FHIT: variants seen among roughly 807,000 people sequenced by gnomAD.
The protein encoded by FHIT is fragile histidine triad diadenosine triphosphatase, also known as bis(5'-adenosyl)-triphosphatase.
Under a neutral mutation model 17.9 loss-of-function variants are expected in FHIT, and 19 were observed. That is an observed-to-expected ratio of 1.06 (90% CI 0.74 to 1.56). The LOEUF (loss-of-function observed/expected upper bound fraction) is 1.56. Ranked by LOEUF, FHIT falls within the 40% of genes most tolerant of loss-of-function variation. The probability of loss-of-function intolerance (pLI) is 0.00; values close to 1 mark genes in which losing one functional copy is unlikely to be tolerated. For missense variants in FHIT, 248 were observed against 189.2 expected, an observed-to-expected ratio of 1.31 and a Z score of -1.82; for synonymous variants, 81 against 69.7, an observed-to-expected ratio of 1.16 and a Z score of -0.81.
At chr3:60,918,632 A>T (rs1041863974) in intron 3 of FHIT, among the ~76,000 whole-genome samples, 3 of 152,186 alleles carry the variant, frequency 2.0e-5, no homozygotes, top group Non-Finnish European at 4.4e-5. Context: ...GGAAACCAGG[A>T]GGAAGAAGGC....
intron 9 of FHIT, chr3:59,751,592 T>G (rs934780663): frequency 3.3e-5 from 6 of 183,416 alleles, no homozygotes; most frequent in African/African-American, 1.4e-4. Context: ...GCTATCTTTC[T>G]ACCAGAGTCT....
chr3:60,143,727 T>C (rs1051542465), intron 5 of FHIT, among the ~76,000 whole-genome samples: 1 of 142,154 alleles, frequency 7.0e-6, no homozygotes. Context: ...ATAACCTATC[T>C]TCATAACTTT....
chr3:60,861,401 G>A (rs1174840297), intron 3 of FHIT, among the ~76,000 whole-genome samples: 1 of 150,158 alleles, frequency 6.7e-6, no homozygotes, highest in South Asian at 2.1e-4. Context: ...TTGTTATGGA[G>A]GGCTGTCCTA....
At chr3:60,579,318 T>C (rs1553658882) in intron 4 of FHIT, among the ~76,000 whole-genome samples, 1 of 152,188 alleles carries the variant, frequency 6.6e-6, no homozygotes, top group Non-Finnish European at 1.5e-5. Flanking sequence ...TAGATAACTG[T>C]AACACAAGTA....
intron 7 of FHIT, among the ~76,000 whole-genome samples, chr3:59,984,497 G>A (rs906373143): frequency 1.3e-5 from 2 of 152,010 alleles, no homozygotes; most frequent in African/African-American, 4.8e-5. Context: ...CACTGGTATT[G>A]GCTAAACATT....
chr3:61,054,473 A>G (rs2106667012), intron 2 of FHIT, among the ~76,000 whole-genome samples: 1 of 152,338 alleles, frequency 6.6e-6, no homozygotes, highest in South Asian at 2.1e-4. Context: ...TGTTAATAGT[A>G]GCATCAGCTA....
intron 3 of FHIT, among the ~76,000 whole-genome samples, chr3:60,983,953 T>C (rs1183746352): frequency 6.6e-6 from 1 of 152,068 alleles, no homozygotes; most frequent in Non-Finnish European, 1.5e-5. Flanking sequence ...ACACCTGAAA[T>C]GATAAAGACA....
At chr3:61,141,875 T>C (rs2037091886) in intron 2 of FHIT, among the ~76,000 whole-genome samples, 1 of 151,552 alleles carries the variant, frequency 6.6e-6, no homozygotes, top group Non-Finnish European at 1.5e-5. Flanking sequence ...CTTCTTTCTT[T>C]GGGAAATCTG....
At chr3:60,788,234 T>C (rs782457205) in intron 4 of FHIT, among the ~76,000 whole-genome samples, 4 of 152,106 alleles carry the variant, frequency 2.6e-5, no homozygotes, top group Non-Finnish European at 4.4e-5. Context: ...CGAACTGCAG[T>C]GCACTATGAT....
At chr3:60,444,243 G>C (rs1319582255) in intron 5 of FHIT, among the ~76,000 whole-genome samples, 1 of 152,192 alleles carries the variant, frequency 6.6e-6, no homozygotes, top group East Asian at 1.9e-4. Context: ...TACATTGTTG[G>C]TGGGAATGTA....
intron 4 of FHIT, among the ~76,000 whole-genome samples, chr3:60,579,586 T>G (rs969141289): frequency 6.6e-6 from 1 of 152,164 alleles, no homozygotes; most frequent in South Asian, 2.1e-4. Context: ...TAAACACATG[T>G]CTATACATAT....
intron 7 of FHIT, among the ~76,000 whole-genome samples, chr3:59,983,454 T>G (rs566640982): frequency 5.9e-5 from 9 of 152,266 alleles, no homozygotes; most frequent in Non-Finnish European, 1.2e-4. Flanking sequence ...ATTATTAACT[T>G]TGTACTACAA....
chr3:60,776,378 TA>T (rs1187179608), intron 4 of FHIT, among the ~76,000 whole-genome samples: 31 of 152,310 alleles, frequency 2.0e-4, no homozygotes, highest in African/African-American at 7.0e-4. Context: ...TAATATTTTT[TA>T]AAGGGAAGAT....
chr3:60,134,342 TG>T (rs1455435683), intron 5 of FHIT, among the ~76,000 whole-genome samples: 1 of 152,166 alleles, frequency 6.6e-6, no homozygotes, highest in Non-Finnish European at 1.5e-5. Flanking sequence ...GATAATCCAA[TG>T]GGGCAGGTTT....
intron 3 of FHIT, among the ~76,000 whole-genome samples, chr3:60,957,405 T>C (rs897827986): frequency 2.0e-5 from 3 of 152,004 alleles, no homozygotes; most frequent in African/African-American, 7.2e-5. Flanking sequence ...ACCTGGCTAA[T>C]TTATTGTAGT....
intron 9 of FHIT, chr3:59,751,978 G>A (rs1196616885): frequency 7.1e-6 from 3 of 421,682 alleles, no homozygotes. Flanking sequence ...GAGAAAGGTG[G>A]TGGTGGGCTG....
intron 5 of FHIT, among the ~76,000 whole-genome samples, chr3:60,477,429 G>A (rs1348212430): frequency 6.6e-6 from 1 of 152,120 alleles, no homozygotes; most frequent in African/African-American, 2.4e-5. Context: ...TTCTTTTGCT[G>A]GGTTTTCTAT....
At chr3:60,192,395 G>C (rs1041960148) in intron 5 of FHIT, among the ~76,000 whole-genome samples, 1 of 151,350 alleles carries the variant, frequency 6.6e-6, no homozygotes, top group African/African-American at 2.4e-5. Context: ...GCTGTGGCTG[G>C]AGACATGGGG....
chr3:61,152,733 GA>G (rs1344016458), intron 2 of FHIT, among the ~76,000 whole-genome samples: 1 of 152,000 alleles, frequency 6.6e-6, no homozygotes, highest in Non-Finnish European at 1.5e-5. Context: ...AGAGGAATGA[GA>G]AGATCATAGC....
Sources: allele counts gnomAD v4.1 joint callset (sites outside exome capture counted in the v4.1 genomes callset), GRCh38; gene constraint gnomAD v4.1.1; transcripts MANE v1.5; gene names NCBI Gene and HGNC (gene_info 2026-07-23, HGNC 2026-07-21).